Variants in ABCA1 observed in about 807,000 individuals in gnomAD.
ABCA1 encodes ATP binding cassette subfamily A member 1.
Under a neutral mutation model 262.5 loss-of-function variants are expected in ABCA1, and 133 were observed. The observed-to-expected ratio is 0.51, with a 90% CI of 0.44 to 0.59. The LOEUF is 0.59. Among genes scored for constraint, ABCA1 ranks in the 20% least tolerant of loss-of-function variants. ABCA1 has a pLI of 0.00. For synonymous variants in ABCA1, 1,022 were observed against 1,043.5 expected (o/e 0.98, Z 0.40); for missense variants, 2,452 against 2,777.5 (o/e 0.88, Z 2.63).
chr9:104,881,367 AG>A (rs1164709955), intron 5 of ABCA1, among the ~76,000 whole-genome samples: 1 of 152,202 alleles, frequency 6.6e-6, no homozygotes, highest in Non-Finnish European at 1.5e-5. Flanking sequence ...ACTATGTGCC[AG>A]ATACTACATT....
At chr9:104,844,852 T>C (rs1834722130) in intron 8 of ABCA1, among the ~76,000 whole-genome samples, 1 of 152,210 alleles carries the variant, frequency 6.6e-6, no homozygotes, top group Non-Finnish European at 1.5e-5. Context: ...AGGTGGAGTG[T>C]GCACTGGCTG....
At chr9:104,860,618 C>T (rs575018220) in intron 6 of ABCA1, among the ~76,000 whole-genome samples, 1 of 152,198 alleles carries the variant, frequency 6.6e-6, no homozygotes, top group South Asian at 2.1e-4. Context: ...TCTGAAAAAT[C>T]AATAACCATG....
At chr9:104,845,700 A>G (rs1834808461) in intron 7 of ABCA1, 131 bp from the exon 8 acceptor site, 2 of 665,052 alleles carry the variant, frequency 3.0e-6, no homozygotes, top group African/African-American at 3.6e-5. Flanking sequence ...CCTAACCAAA[A>G]CTAAAGACAC....
chr9:104,794,242 G>C (rs1829674488), intron 40 of ABCA1, 145 bp downstream of exon 40: 1 of 1,244,808 alleles, frequency 8.0e-7, no homozygotes, highest in African/African-American at 1.5e-5. Context: ...CAGCTGTGTT[G>C]GCATGAGCCC....
chr9:104,831,499 G>T, intron 13 of ABCA1, 123 bp downstream of exon 13: 2 of 837,958 alleles, frequency 2.4e-6, no homozygotes, highest in Non-Finnish European at 1.8e-6. Context: ...ACCAAGTTGA[G>T]TTTTTTTGTT....
At chr9:104,785,751 C>A in intron 48 of ABCA1, 112 bp from the exon 49 acceptor site, 2 of 1,324,452 alleles carry the variant, frequency 1.5e-6, no homozygotes, top group East Asian at 4.7e-5. Flanking sequence ...CCTGGCAGGC[C>A]CAGAAATAAG....
chr9:104,860,976 G>A (rs771046605), intron 6 of ABCA1, among the ~76,000 whole-genome samples: 1 of 151,956 alleles, frequency 6.6e-6, no homozygotes, highest in Non-Finnish European at 1.5e-5. Context: ...GGATGGTCTC[G>A]AACTCCTGAC....
rs1840862879 is a variant in ABCA1 at position 104,903,756 on chromosome 9, C to CT, written c.-78_-77insA. The CT allele has an allele frequency of 7.4e-7, 1 of 1,355,946 alleles. No homozygotes were observed. The highest frequency in any genetic ancestry group is 2.0e-5 in the Admixed American group (1 of 50,750). 84.0% of individuals were successfully genotyped at this position (1,355,946 alleles called of 1,614,324 possible). On this transcript the variant is annotated 5_prime_UTR_variant, in exon 2 of 50. An upstream open reading frame in the 5' UTR gains an earlier in-frame stop. Coordinates refer to ENST00000374736, the MANE Select transcript of ABCA1 (RefSeq NM_005502.4). ...CGGCCAGAGCTCACAGCAGGGACGC[C>CT]GTGGCTGGTCATTAACTGAAAGATA...
In ABCA1 at chr9:104,824,522, C is replaced by T. The variant is rs1444643566; in HGVS notation, c.2599G>A (p.Gly867Ser). 2.5e-6 allele frequency: 4 copies of T among 1,614,140 alleles called. No homozygotes were observed. In the Admixed American group the frequency reaches 6.7e-5, roughly 27 times the overall value. Residue 867 changes from glycine to serine, a missense_variant, in exon 18 of 50, where the codon GGC becomes AGC. Physicochemically the swap from Gly to Ser is moderately conservative, Grantham distance 56 (BLOSUM62 0). Around this residue, in one of 4 missense-constraint regions of ABCA1, gnomAD observed 1,032 missense variants for 1,089.7 expected, o/e 0.95. Coordinates refer to ENST00000374736, the MANE Select transcript of ABCA1 (RefSeq NM_005502.4). ...TGGCTCTTCTCATCACTTTCCTCGC[C>T]AAACCAGTAGGACTTGGTGCAAGGA... ...YFPCTKSYWFGEESDEKSHPG... is the reference protein window; with the variant it reads ...YFPCTKSYWFSEESDEKSHPG...
At chr9:104,897,873 A>G (rs1272377196) in intron 2 of ABCA1, among the ~76,000 whole-genome samples, 1 of 152,150 alleles carries the variant, frequency 6.6e-6, no homozygotes, top group Non-Finnish European at 1.5e-5. Flanking sequence ...AAAGTGCTGG[A>G]ATTATAGGTG....
chr9:104,815,287 G>T (rs1001036177), intron 25 of ABCA1, among the ~76,000 whole-genome samples: 3 of 152,230 alleles, frequency 2.0e-5, no homozygotes, highest in Non-Finnish European at 4.4e-5. Context: ...TAGAAATACA[G>T]ACTTCAAGGC....
At chr9:104,862,493 A>C in intron 5 of ABCA1, among the ~76,000 whole-genome samples, 1 of 151,942 alleles carries the variant, frequency 6.6e-6, no homozygotes, top group Non-Finnish European at 1.5e-5. Flanking sequence ...GCCTTTTCAC[A>C]GAGCTAAAAT....
intron 48 of ABCA1, 107 bp downstream of exon 48, chr9:104,786,191 C>T: frequency 1.1e-6 from 1 of 950,892 alleles, no homozygotes; most frequent in East Asian, 2.5e-5. Context: ...TACTGTTTTG[C>T]TCAGTTTTAT....
intron 48 of ABCA1, 60 bp from the exon 49 acceptor site, chr9:104,785,699 T>C (rs1383088931): frequency 6.2e-7 from 1 of 1,605,930 alleles, no homozygotes; most frequent in Non-Finnish European, 8.5e-7. Context: ...AAAAGAATAC[T>C]GAACCCTGGG....
At chr9:104,924,367 T>G (rs1353073202) in intron 1 of ABCA1, among the ~76,000 whole-genome samples, 1 of 152,120 alleles carries the variant, frequency 6.6e-6, no homozygotes, top group Non-Finnish European at 1.5e-5. Context: ...CCCAGCACTT[T>G]GGGAGGCTGA....
At position 104,783,175 on chromosome 9, in the gene ABCA1, T is replaced by C. The variant is rs1431471612; in HGVS notation, c.*1140A>G. On this transcript the variant is annotated 3_prime_UTR_variant, in exon 50 of 50. Coordinates refer to ENST00000374736, the MANE Select transcript of ABCA1 (RefSeq NM_005502.4). The stretch of plus-strand genomic sequence containing the variant: ...AACTTACATAAGAAAATAAAAATAG[T>C]GGGGCAGTGGCCATACTCCTCTATA... 1 of 152,162 alleles carries C rather than the reference T, an allele frequency of 6.6e-6. No homozygotes were observed. The highest frequency in any genetic ancestry group is 1.5e-5 in the Non-Finnish European group (1 of 68,026). 9.4% of individuals were successfully genotyped at this position (152,162 alleles called of 1,614,324 possible).
intron 2 of ABCA1, among the ~76,000 whole-genome samples, chr9:104,902,827 A>T (rs1840774869): frequency 6.6e-6 from 1 of 152,180 alleles, no homozygotes; most frequent in Non-Finnish European, 1.5e-5. Flanking sequence ...AAGCTACATT[A>T]AGACAGCCAA....
intron 2 of ABCA1, among the ~76,000 whole-genome samples, chr9:104,893,505 T>G (rs1161608817): frequency 8.0e-6 from 1 of 124,284 alleles, no homozygotes; most frequent in African/African-American, 3.1e-5. Flanking sequence ...AAACAAAGAG[T>G]ATGAGTAAGA....
intron 1 of ABCA1, among the ~76,000 whole-genome samples, chr9:104,919,568 C>T (rs138273337): frequency 4.4e-3 from 664 of 151,980 alleles, no homozygotes; most frequent in Middle Eastern, 0.031. Context: ...GCCGAGATTG[C>T]GCCACTGCAC....
Sources: gnomAD v4.1 joint callset for allele counts (sites outside exome capture counted in the v4.1 genomes callset) on GRCh38, gnomAD v4.1.1 for gene constraint, gnomAD v4.1.1 regional missense constraint, MANE v1.5 for transcripts, NCBI Gene and HGNC (gene_info 2026-07-23, HGNC 2026-07-21) for gene names.